Variants in NYAP2 observed in about 807,000 individuals in gnomAD.
NYAP2 encodes the protein neuronal tyrosine-phosphorylated phosphoinositide-3-kinase adaptor 2.
A neutral mutation model predicts 50.4 loss-of-function variants in NYAP2; 23 were observed. That is an observed-to-expected ratio of 0.46 (90% CI 0.33 to 0.65). NYAP2 has a LOEUF of 0.65. Among genes scored for constraint, NYAP2 ranks in the 30% least tolerant of loss-of-function variants. The pLI is 0.02. For missense variants in NYAP2, 885 were observed against 861.0 expected (o/e 1.03, Z -0.35); for synonymous variants, 394 against 365.2 (o/e 1.08, Z -0.90).
intron 3 of NYAP2, among the ~76,000 whole-genome samples, chr2:225,470,569 G>A (rs766469231): frequency 5.9e-5 from 9 of 152,062 alleles, no homozygotes; most frequent in Non-Finnish European, 1.3e-4. Flanking sequence ...AAAGCAATTG[G>A]AATAAAAACA....
intron 5 of NYAP2, among the ~76,000 whole-genome samples, chr2:225,619,992 G>A (rs1442965764): frequency 6.6e-6 from 1 of 152,176 alleles, no homozygotes; most frequent in East Asian, 1.9e-4. Context: ...GAGGATAGGT[G>A]CGTTCTATGC....
At chr2:225,432,278 G>T (rs1467153124) in intron 3 of NYAP2, among the ~76,000 whole-genome samples, 4 of 150,810 alleles carry the variant, frequency 2.7e-5, no homozygotes, top group Non-Finnish European at 4.4e-5. Context: ...TTACAGGCGT[G>T]AGCCACCGTA....
At chr2:225,634,153 T>G in intron 6 of NYAP2, among the ~76,000 whole-genome samples, 1 of 152,106 alleles carries the variant, frequency 6.6e-6, no homozygotes, top group East Asian at 1.9e-4. Flanking sequence ...GAAATAGAGG[T>G]TTAGAATTCC....
intron 6 of NYAP2, among the ~76,000 whole-genome samples, chr2:225,645,799 T>A (rs1416678997): frequency 6.6e-6 from 1 of 152,170 alleles, no homozygotes; most frequent in Non-Finnish European, 1.5e-5. Context: ...GGATCAAAAC[T>A]TATTGTCCAG....
chr2:225,420,612 T>TTTTC (rs1695198932), intron 3 of NYAP2, among the ~76,000 whole-genome samples: 1 of 2,022 alleles, frequency 4.9e-4, no homozygotes, highest in Non-Finnish European at 2.8e-3. Flanking sequence ...TTTTCTTTTC[T>TTTTC]TTTTTTTTTT....
intron 3 of NYAP2, among the ~76,000 whole-genome samples, chr2:225,457,919 A>G (rs1440647344): frequency 6.6e-6 from 1 of 152,218 alleles, no homozygotes; most frequent in East Asian, 1.9e-4. Context: ...TTTTAGAACA[A>G]AAGCATTTGG....
intron 3 of NYAP2, among the ~76,000 whole-genome samples, chr2:225,420,670 A>T (rs557672882): frequency 6.7e-6 from 1 of 149,814 alleles, no homozygotes; most frequent in Non-Finnish European, 1.5e-5. Context: ...GAGTGCAGTG[A>T]CGTGATCTCA....
chr2:225,662,601 A>C, the NYAP2 span, among the ~76,000 whole-genome samples: 30 of 152,274 alleles, frequency 2.0e-4, no homozygotes, highest in African/African-American at 7.2e-4. Flanking sequence ...ATGCTGCATT[A>C]GAGCTAGTTA....
At chr2:225,580,275 T>TAAA (rs1426423889) in intron 4 of NYAP2, among the ~76,000 whole-genome samples, 1 of 152,206 alleles carries the variant, frequency 6.6e-6, no homozygotes, top group Non-Finnish European at 1.5e-5. Context: ...GATGACTTAC[T>TAAA]AAAATTATAT....
At chr2:225,687,384 C>T in the NYAP2 span, among the ~76,000 whole-genome samples, 2 of 152,096 alleles carry the variant, frequency 1.3e-5, no homozygotes, top group Admixed American at 6.6e-5. Flanking sequence ...TCTCCAAAGT[C>T]ACAAGATAGA....
At chr2:225,525,800 T>C (rs1397591413) in intron 4 of NYAP2, among the ~76,000 whole-genome samples, 1 of 152,164 alleles carries the variant, frequency 6.6e-6, no homozygotes, top group African/African-American at 2.4e-5. Flanking sequence ...AAGATGGAAA[T>C]AACAATACTC....
chr2:225,626,855 G>T (rs1210542045), intron 5 of NYAP2, 62 bp from the exon 6 acceptor site: 13 of 1,275,470 alleles, frequency 1.0e-5, no homozygotes, highest in African/African-American at 4.5e-5. Context: ...CTAATTTTTT[G>T]AAAGTAATTT....
intron 3 of NYAP2, among the ~76,000 whole-genome samples, chr2:225,419,647 A>C (rs1695184875): frequency 6.6e-6 from 1 of 152,222 alleles, no homozygotes; most frequent in Non-Finnish European, 1.5e-5. Flanking sequence ...CACATGGCAC[A>C]ACTAGCGGGG....
the NYAP2 span, among the ~76,000 whole-genome samples, chr2:225,666,414 C>T: frequency 1.3e-5 from 2 of 152,072 alleles, no homozygotes; most frequent in African/African-American, 2.4e-5. Flanking sequence ...AGAATATTTC[C>T]CCAGCGTGGT....
At chr2:225,445,746 G>T (rs1157813485) in intron 3 of NYAP2, among the ~76,000 whole-genome samples, 1 of 152,046 alleles carries the variant, frequency 6.6e-6, no homozygotes, top group Non-Finnish European at 1.5e-5. Flanking sequence ...AATTAAGAAT[G>T]AATTAGAGTA....
At chr2:225,695,496 CTG>C in the NYAP2 span, among the ~76,000 whole-genome samples, 1 of 151,242 alleles carries the variant, frequency 6.6e-6, no homozygotes, top group South Asian at 2.1e-4. Context: ...ACAACAAAAA[CTG>C]TTCTATGATG....
intron 5 of NYAP2, among the ~76,000 whole-genome samples, chr2:225,616,178 C>G (rs1574710825): frequency 6.6e-6 from 1 of 152,266 alleles, no homozygotes; most frequent in East Asian, 1.9e-4. Flanking sequence ...TCCAACTGTA[C>G]TGAAAACCAT....
intron 3 of NYAP2, among the ~76,000 whole-genome samples, chr2:225,481,187 C>T (rs1690201450): frequency 6.6e-6 from 1 of 151,978 alleles, no homozygotes; most frequent in African/African-American, 2.4e-5. Context: ...AAGTGTCATC[C>T]TGTATATAAT....
intron 5 of NYAP2, among the ~76,000 whole-genome samples, chr2:225,626,338 G>A (rs1030172229): frequency 2.0e-5 from 3 of 152,164 alleles, no homozygotes; most frequent in Admixed American, 6.5e-5. Context: ...CTAGCACCTC[G>A]GGAACAACCA....
Sources: gnomAD v4.1 joint callset for allele counts (sites outside exome capture counted in the v4.1 genomes callset) on GRCh38, gnomAD v4.1.1 for gene constraint, MANE v1.5 for transcripts, NCBI Gene and HGNC (gene_info 2026-07-23, HGNC 2026-07-21) for gene names.